Variants in GRID1 observed in about 807,000 individuals in gnomAD.
GRID1 encodes the protein glutamate ionotropic receptor delta type subunit 1, also known as glutamate receptor ionotropic, delta-1.
Under a neutral mutation model 98.0 loss-of-function variants are expected in GRID1, and 28 were observed. That is an observed-to-expected ratio of 0.29 (90% CI 0.21 to 0.39). The LOEUF (loss-of-function observed/expected upper bound fraction) is 0.39. Ranked by LOEUF, GRID1 falls within the 10% of genes least tolerant of loss-of-function variation. The pLI is 1.00. For missense variants in GRID1, 1,111 were observed against 1,340.5 expected, an observed-to-expected ratio of 0.83 and a Z score of 2.67; for synonymous variants, 553 against 538.5, an observed-to-expected ratio of 1.03 and a Z score of -0.37.
At chr10:85,960,632 A>T (rs1168242017) in intron 4 of GRID1, among the ~76,000 whole-genome samples, 2 of 152,126 alleles carry the variant, frequency 1.3e-5, no homozygotes, top group Non-Finnish European at 2.9e-5. Flanking sequence ...CGCCCTACTG[A>T]CCTGTATGTC....
intron 3 of GRID1, among the ~76,000 whole-genome samples, chr10:86,169,414 T>C (rs1221331366): frequency 6.6e-6 from 1 of 152,172 alleles, no homozygotes; most frequent in Non-Finnish European, 1.5e-5. Context: ...CCATGGTAGA[T>C]TTCAAGCTAC....
intron 8 of GRID1, among the ~76,000 whole-genome samples, chr10:85,798,113 T>C (rs1211386462): frequency 6.6e-6 from 1 of 152,206 alleles, no homozygotes; most frequent in Non-Finnish European, 1.5e-5. Context: ...CTATTTTCCT[T>C]TGCGTATATA....
chr10:86,166,247 T>C (rs1845396705), intron 3 of GRID1, among the ~76,000 whole-genome samples: 1 of 152,158 alleles, frequency 6.6e-6, no homozygotes, highest in South Asian at 2.1e-4. Flanking sequence ...ATATCTACGA[T>C]CAGAGTGAAC....
chr10:86,312,789 G>A (rs1298457345), intron 2 of GRID1, among the ~76,000 whole-genome samples: 2 of 152,218 alleles, frequency 1.3e-5, no homozygotes, highest in Admixed American at 6.5e-5. Context: ...ACAGAGCCTG[G>A]AGTGTGTCTT....
intron 3 of GRID1, among the ~76,000 whole-genome samples, chr10:86,139,854 T>C (rs1171830993): frequency 3.9e-5 from 6 of 152,250 alleles, no homozygotes; most frequent in African/African-American, 1.4e-4. Flanking sequence ...TGCACACTGC[T>C]ACAAATCTAT....
At chr10:85,730,866 G>A (rs1450027097) in intron 8 of GRID1, among the ~76,000 whole-genome samples, 1 of 152,198 alleles carries the variant, frequency 6.6e-6, no homozygotes, top group Non-Finnish European at 1.5e-5. Flanking sequence ...TGCTGCTGCT[G>A]CTGCTGCTAA....
chr10:86,033,534 T>C (rs1049453653), intron 4 of GRID1, among the ~76,000 whole-genome samples: 2 of 152,230 alleles, frequency 1.3e-5, no homozygotes, highest in Non-Finnish European at 1.5e-5. Context: ...GGAGACCACC[T>C]GAAGCCCTTG....
chr10:86,206,729 G>T lies in GRID1; in HGVS notation c.236-81C>A. ...GCTTCAACCTGCAGGCCCCATGCCT[G>T]GCAGCTCATGCCCAGGACTCCCAAG... On this transcript the variant is annotated intron_variant, in intron 2 of 15. Transcript: ENST00000327946. This position sits in a 1 kb window ranked among gnomAD's most constrained non-coding sequence, Gnocchi z 4.1. 1 of 1,341,904 alleles carries T rather than the reference G, an allele frequency of 7.5e-7. No individual in the cohort carries two copies. Among genetic ancestry groups the T allele is most frequent in the Non-Finnish European group, 1.0e-6 (1 of 972,908 alleles). The allele number at this position is 1,341,904 out of a possible 1,614,324, so 83.1% of individuals were successfully genotyped here.
intron 8 of GRID1, among the ~76,000 whole-genome samples, chr10:85,821,539 A>AAAAAGCAAACAAAC (rs1554833470): frequency 0.013 from 1,298 of 97,582 alleles, 172 homozygotes; most frequent in Non-Finnish European, 0.021. Flanking sequence ...AAAAAAAAAA[A>AAAAAGCAAACAAAC]AAAAAAGAAA....
intron 2 of GRID1, among the ~76,000 whole-genome samples, chr10:86,263,430 G>T (rs1457706749): frequency 6.6e-6 from 1 of 152,206 alleles, no homozygotes; most frequent in African/African-American, 2.4e-5. Context: ...CAACGGGACG[G>T]TTCCCCAGAC....
At chr10:86,155,394 T>C (rs953549221) in intron 3 of GRID1, among the ~76,000 whole-genome samples, 4 of 152,240 alleles carry the variant, frequency 2.6e-5, no homozygotes, top group Admixed American at 2.6e-4. Flanking sequence ...TAACCAACTT[T>C]GCAAGAGCAA....
chr10:85,670,352 G>C (rs932670453), intron 12 of GRID1, among the ~76,000 whole-genome samples: 4 of 152,168 alleles, frequency 2.6e-5, no homozygotes, highest in African/African-American at 9.7e-5. Context: ...AGAGCAGTGA[G>C]GATTCTGCCT....
intron 2 of GRID1, 135 bp downstream of exon 2, chr10:86,363,806 C>T (rs1328027821): frequency 1.4e-6 from 1 of 725,656 alleles, no homozygotes; most frequent in Non-Finnish European, 2.2e-6. Flanking sequence ...GGCGCGCCAC[C>T]GCGCATGGCA....
At chr10:86,319,384 A>T (rs1847939007) in intron 2 of GRID1, among the ~76,000 whole-genome samples, 1 of 152,212 alleles carries the variant, frequency 6.6e-6, no homozygotes, top group African/African-American at 2.4e-5. Context: ...GGGGTGTTAC[A>T]GTGAGAGGGC....
intron 3 of GRID1, among the ~76,000 whole-genome samples, chr10:86,161,184 T>A (rs1357474957): frequency 6.6e-6 from 1 of 152,154 alleles, no homozygotes. Context: ...GTGTGAGCCA[T>A]GCTTTTAGGA....
chr10:85,952,017 G>A (rs1842131816), intron 4 of GRID1, among the ~76,000 whole-genome samples: 1 of 152,182 alleles, frequency 6.6e-6, no homozygotes, highest in Non-Finnish European at 1.5e-5. Flanking sequence ...AAATCTCCAT[G>A]TCAGGCCCTG....
intron 8 of GRID1, among the ~76,000 whole-genome samples, chr10:85,768,108 G>T (rs1024205915): frequency 6.6e-6 from 1 of 152,140 alleles, no homozygotes; most frequent in African/African-American, 2.4e-5. Flanking sequence ...AGCTAAAATC[G>T]ATTAAAAGGA....
Position 85,734,919 on chromosome 10 carries a change from A to G in GRID1, c.1234-5305T>C, listed in dbSNP as rs147040517. 1.1e-3 allele frequency among the ~76,000 whole-genome samples: 175 copies of G among 152,312 alleles called. 3 individuals are homozygous for G. The East Asian group carries it at 0.032, about 28-fold the overall frequency. Reference sequence around the variant, plus strand: ...TGGATCACCAGCCTTGTAGTCACCCAAGATTAGGAGAGACATGCATCCCTC... The same window carrying G: ...TGGATCACCAGCCTTGTAGTCACCCGAGATTAGGAGAGACATGCATCCCTC... On this transcript the variant is annotated intron_variant, in intron 8 of 15. Coordinates refer to ENST00000327946, the MANE Select transcript of GRID1 (RefSeq NM_017551.3).
intron 10 of GRID1, among the ~76,000 whole-genome samples, chr10:85,727,128 C>T (rs766745393): frequency 2.0e-5 from 3 of 152,074 alleles, no homozygotes; most frequent in Non-Finnish European, 1.5e-5. Flanking sequence ...GGGGTGAACA[C>T]TGGAGTGGAG....
Sources: allele counts gnomAD v4.1 joint callset (sites outside exome capture counted in the v4.1 genomes callset), GRCh38; gene constraint gnomAD v4.1.1; non-coding constraint Gnocchi (gnomAD v3.1); transcripts MANE v1.5; gene names NCBI Gene and HGNC (gene_info 2026-07-23, HGNC 2026-07-21).